Variants in CSGALNACT1 observed in about 807,000 individuals in gnomAD.
The protein encoded by CSGALNACT1 is beta4GalNAcT-1.
CSGALNACT1 carries 52 observed loss-of-function variants against 51.0 expected under a neutral mutation model. That is an observed-to-expected ratio of 1.02 (90% confidence interval 0.82 to 1.29). CSGALNACT1 has a LOEUF of 1.29. Ranked by LOEUF, CSGALNACT1 falls within the 50% of genes most tolerant of loss-of-function variation. The probability of loss-of-function intolerance (pLI) is 0.00; values close to 1 mark genes in which losing one functional copy is unlikely to be tolerated. For synonymous variants in CSGALNACT1, 341 were observed against 254.4 expected, an observed-to-expected ratio of 1.34 and a Z score of -3.24; for missense variants, 935 against 679.2, an observed-to-expected ratio of 1.38 and a Z score of -4.19.
chr8:19,449,054 A>C (rs1244952610), intron 5 of CSGALNACT1, among the ~76,000 whole-genome samples: 1 of 152,128 alleles, frequency 6.6e-6, no homozygotes, highest in South Asian at 2.1e-4. Flanking sequence ...CCATCATTTG[A>C]GTAGTCTGAT....
At chr8:19,577,375 G>C (rs977964691) in intron 3 of CSGALNACT1, among the ~76,000 whole-genome samples, 1 of 142,340 alleles carries the variant, frequency 7.0e-6, no homozygotes, top group Admixed American at 6.9e-5. Context: ...GCAGCACCTA[G>C]ACAACGAAGC....
At chr8:19,422,138 C>A (rs1256397804) in intron 6 of CSGALNACT1, among the ~76,000 whole-genome samples, 2 of 152,070 alleles carry the variant, frequency 1.3e-5, no homozygotes, top group Admixed American at 1.3e-4. Context: ...CGCTATTTTT[C>A]TTTGGTTAAA....
In CSGALNACT1 at chr8:19,430,380, G is replaced by T. The variant is rs538160750; in HGVS notation, c.953+9450C>A. 2.0e-5 allele frequency among the ~76,000 whole-genome samples: 3 copies of T among 152,176 alleles called. No homozygotes were observed. In the South Asian group the frequency reaches 6.2e-4, roughly 32 times the overall value. ...TTTGACTTCAAGTTTTGTATATATA[G>T]TGGATGTATACCTATCAACTACAGA... On this transcript the variant is annotated intron_variant, in intron 6 of 9. Transcript: ENST00000454498.
chr8:19,636,397 G>A (rs1226808878), intron 1 of CSGALNACT1, among the ~76,000 whole-genome samples: 2 of 152,116 alleles, frequency 1.3e-5, no homozygotes, highest in Admixed American at 6.6e-5. Flanking sequence ...GAGAATCTGG[G>A]AGCATATCCC....
chr8:19,689,185 G>A (rs1979680), intron 1 of CSGALNACT1, among the ~76,000 whole-genome samples: 2 of 151,994 alleles, frequency 1.3e-5, no homozygotes, highest in South Asian at 2.1e-4. Flanking sequence ...CTTCCAAGAC[G>A]ATGTCATAAA....
At chr8:19,695,323 AAAGCCTATG>A (rs2061531758) in intron 1 of CSGALNACT1, among the ~76,000 whole-genome samples, 4 of 152,158 alleles carry the variant, frequency 2.6e-5, no homozygotes, top group Non-Finnish European at 4.4e-5. Flanking sequence ...TTCATTCCTG[AAAGCCTATG>A]AGGGGGAAAT....
At chr8:19,455,949 G>A (rs957475607) in intron 5 of CSGALNACT1, among the ~76,000 whole-genome samples, 5 of 152,114 alleles carry the variant, frequency 3.3e-5, no homozygotes, top group African/African-American at 9.7e-5. Context: ...CAAGTCTTCC[G>A]CCACCCATCC....
chr8:19,591,477 T>C (rs1292938663), intron 2 of CSGALNACT1, among the ~76,000 whole-genome samples: 1 of 152,234 alleles, frequency 6.6e-6, no homozygotes, highest in Non-Finnish European at 1.5e-5. Context: ...GGCGTTTATA[T>C]TCATCCATCT....
chr8:19,419,275 T>G (rs779585199), intron 7 of CSGALNACT1, among the ~76,000 whole-genome samples: 25 of 152,212 alleles, frequency 1.6e-4, no homozygotes, highest in Non-Finnish European at 3.1e-4. Context: ...TTTGGAATAC[T>G]GACAGACCAT....
intron 1 of CSGALNACT1, among the ~76,000 whole-genome samples, chr8:19,741,282 T>C (rs1269666935): frequency 1.3e-5 from 2 of 152,164 alleles, no homozygotes; most frequent in Non-Finnish European, 2.9e-5. Context: ...AAGGGAGTCT[T>C]AGCCGGGCAC....
chr8:19,562,849 C>G (rs1192945828), intron 3 of CSGALNACT1, among the ~76,000 whole-genome samples: 5 of 152,164 alleles, frequency 3.3e-5, no homozygotes, highest in African/African-American at 1.2e-4. Context: ...ATTAGTTCAA[C>G]CATTGTGGAT....
At chr8:19,554,647 G>C (rs10098467) in intron 3 of CSGALNACT1, among the ~76,000 whole-genome samples, 26,570 of 152,180 alleles carry the variant, frequency 0.17, 2,484 homozygotes, top group African/African-American at 0.24. Context: ...GCTGGATGCA[G>C]TGGCTCATGC....
At chr8:19,628,495 G>C (rs2054749061) in intron 1 of CSGALNACT1, among the ~76,000 whole-genome samples, 1 of 152,198 alleles carries the variant, frequency 6.6e-6, no homozygotes. Flanking sequence ...GGGACACAGA[G>C]CCAAACCGTA....
chr8:19,593,361 C>T (rs1317497763), intron 2 of CSGALNACT1, among the ~76,000 whole-genome samples: 1 of 152,208 alleles, frequency 6.6e-6, no homozygotes, highest in African/African-American at 2.4e-5. Context: ...TGGTAAGGTT[C>T]ACCATATGCA....
chr8:19,711,879 C>T (rs1417420919), intron 1 of CSGALNACT1, among the ~76,000 whole-genome samples: 2 of 152,180 alleles, frequency 1.3e-5, no homozygotes, highest in African/African-American at 2.4e-5. Context: ...CTGGGATGGT[C>T]ACTTTTCAAT....
intron 1 of CSGALNACT1, among the ~76,000 whole-genome samples, chr8:19,742,882 T>G (rs1438556463): frequency 1.3e-5 from 2 of 152,250 alleles, no homozygotes; most frequent in African/African-American, 4.8e-5. Flanking sequence ...GTTCCACTTC[T>G]GCCACTGGCA....
chr8:19,436,743 C>T (rs1236468251), intron 6 of CSGALNACT1, among the ~76,000 whole-genome samples: 3 of 152,024 alleles, frequency 2.0e-5, no homozygotes, highest in Admixed American at 1.3e-4. Flanking sequence ...ACTGGCTCTA[C>T]AAAAACTATA....
At chr8:19,599,182 T>C (rs972538062) in intron 2 of CSGALNACT1, among the ~76,000 whole-genome samples, 13 of 151,608 alleles carry the variant, frequency 8.6e-5, no homozygotes, top group Non-Finnish European at 1.9e-4. Context: ...CACAGAGAGC[T>C]AGCATCAGGG....
chr8:19,618,534 G>A (rs184106667), intron 1 of CSGALNACT1, among the ~76,000 whole-genome samples: 11 of 145,970 alleles, frequency 7.5e-5, no homozygotes, highest in Admixed American at 2.9e-4. Flanking sequence ...CAGCTACTCA[G>A]AAGAGTGAGG....
Sources: gnomAD v4.1 joint callset for allele counts (sites outside exome capture counted in the v4.1 genomes callset) on GRCh38, gnomAD v4.1.1 for gene constraint, MANE v1.5 for transcripts, NCBI Gene and HGNC (gene_info 2026-07-23, HGNC 2026-07-21) for gene names.